JPH3: variants seen among roughly 807,000 people sequenced by gnomAD.
JPH3 encodes the protein junctophilin-3.
In JPH3, 11 loss-of-function variants were observed where a neutral mutation model predicts 59.6. That is an observed-to-expected ratio of 0.18 (90% CI 0.12 to 0.31). The LOEUF (loss-of-function observed/expected upper bound fraction) is 0.31, where lower values mean the gene tolerates loss of function less well. Ranked by LOEUF, JPH3 falls within the 10% of genes least tolerant of loss-of-function variation. JPH3 has a pLI of 1.00. For missense variants in JPH3, 1,202 were observed against 1,105.7 expected (o/e 1.09, Z -1.24); for synonymous variants, 673 against 483.6 (o/e 1.39, Z -5.14).
At chr16:87,658,627 G>A (rs2032590636) in intron 2 of JPH3, among the ~76,000 whole-genome samples, 1 of 152,170 alleles carries the variant, frequency 6.6e-6, no homozygotes, top group African/African-American at 2.4e-5. Context: ...GTCGTGGAGG[G>A]CAGGCCCCAG....
At chr16:87,626,276 T>G (rs1349364997) in intron 1 of JPH3, among the ~76,000 whole-genome samples, 2 of 152,124 alleles carry the variant, frequency 1.3e-5, no homozygotes, top group Non-Finnish European at 2.9e-5. Context: ...TGAGGTTGCT[T>G]AACTACCCCA....
chr16:87,669,350 G>A (rs1238120485), intron 2 of JPH3, among the ~76,000 whole-genome samples: 1 of 152,218 alleles, frequency 6.6e-6, no homozygotes, highest in Non-Finnish European at 1.5e-5. Flanking sequence ...GACTTGGGAG[G>A]GGTGAGAAAA....
At chr16:87,605,548 G>A (rs894912020) in intron 1 of JPH3, among the ~76,000 whole-genome samples, 2 of 152,222 alleles carry the variant, frequency 1.3e-5, no homozygotes, top group African/African-American at 4.8e-5. Context: ...ATCTGATTCT[G>A]TGGCTGGCCG....
intron 1 of JPH3, among the ~76,000 whole-genome samples, chr16:87,641,354 A>G (rs1408435520): frequency 2.0e-5 from 3 of 152,148 alleles, no homozygotes; most frequent in Non-Finnish European, 4.4e-5. Flanking sequence ...TCTGATGTTG[A>G]TGGCAGTGAG....
intron 1 of JPH3, among the ~76,000 whole-genome samples, chr16:87,632,968 A>G (rs1263610439): frequency 1.3e-5 from 2 of 152,002 alleles, no homozygotes; most frequent in African/African-American, 2.4e-5. Flanking sequence ...CTGGGGCTCA[A>G]GCAGTCCTTC....
At chr16:87,639,654 G>T (rs374324606) in intron 1 of JPH3, among the ~76,000 whole-genome samples, 6 of 149,908 alleles carry the variant, frequency 4.0e-5, no homozygotes, top group East Asian at 2.0e-4. Flanking sequence ...CTGTCCTCCC[G>T]CCTGTCCTCC....
intron 2 of JPH3, among the ~76,000 whole-genome samples, chr16:87,646,307 C>T (rs570339472): frequency 7.9e-5 from 12 of 152,306 alleles, no homozygotes; most frequent in African/African-American, 2.2e-4. Flanking sequence ...ATGTTGCTCG[C>T]GACTTCTATT....
chr16:87,617,488 C>T (rs560832607), intron 1 of JPH3, among the ~76,000 whole-genome samples: 9 of 152,144 alleles, frequency 5.9e-5, no homozygotes, highest in African/African-American at 2.2e-4. Flanking sequence ...AGTTGTATGG[C>T]TGAGTTCACG....
At chr16:87,648,194 G>C (rs2032215169) in intron 2 of JPH3, among the ~76,000 whole-genome samples, 1 of 152,184 alleles carries the variant, frequency 6.6e-6, no homozygotes, top group African/African-American at 2.4e-5. Flanking sequence ...TGCATTCTGG[G>C]CTGCAGGGCC....
At chr16:87,681,990 C>A (rs560094829) in intron 2 of JPH3, among the ~76,000 whole-genome samples, 2 of 152,058 alleles carry the variant, frequency 1.3e-5, no homozygotes, top group Admixed American at 6.5e-5. Context: ...CTGCTTGTGG[C>A]GGGGGGTCAT....
At chr16:87,658,563 C>T (rs1014237220) in intron 2 of JPH3, among the ~76,000 whole-genome samples, 1 of 152,204 alleles carries the variant, frequency 6.6e-6, no homozygotes, top group African/African-American at 2.4e-5. Context: ...CCCCAACCCC[C>T]CTGTTTCTCT....
rs1256145454 is a variant in JPH3, at chr16:87,690,074, C to T, written c.1714C>T (p.Arg572Trp). 2 of 1,563,652 alleles carry T rather than the reference C, an allele frequency of 1.3e-6. No individual in the cohort carries two copies. Among genetic ancestry groups the T allele is most frequent in the South Asian group, 2.3e-5 (2 of 85,572 alleles). ...GRKQPGNPKP[R>W]ERRTESPPVF... ...CAAGCAGCCCGGGAACCCCAAGCCG[C>T]GGGAGCGGCGGACGGAGTCACCCCC... The change falls in exon 4 of 5, where the codon CGG becomes TGG. Residue 572 changes from arginine to tryptophan, a missense_variant. Arg to Trp is a moderately radical substitution (Grantham distance 101). Transcript: ENST00000284262.
intron 1 of JPH3, chr16:87,604,838 A>C: frequency 2.6e-6 from 1 of 380,358 alleles, no homozygotes; most frequent in South Asian, 2.2e-5. Flanking sequence ...TGCCTGTCAA[A>C]GCCGTGCCCA....
chr16:87,685,283 G>A (rs1386660995), intron 3 of JPH3, among the ~76,000 whole-genome samples: 1 of 152,212 alleles, frequency 6.6e-6, no homozygotes, highest in Non-Finnish European at 1.5e-5. Context: ...AGGTCAGGAG[G>A]ACGAGCCCCC....
At position 87,690,142 on chromosome 16, in the gene JPH3, C is replaced by T. The variant is rs957652501; in HGVS notation, c.1782C>T (p.Ser594=). 6.3e-7 allele frequency: 1 copy of T among 1,595,740 alleles called. No homozygotes were observed. The highest frequency in any genetic ancestry group is 1.1e-5 in the South Asian group (1 of 88,268). Residue 594 remains serine (S), a synonymous_variant, in exon 4 of 5, where the codon AGC becomes AGT. Transcript: ENST00000284262. ...WTSHHRASNH[S]PGGSRLLELQ... Reference sequence around the variant, plus strand: ...CCCACCACCGGGCCAGCAACCACAGCCCCGGAGGCTCCAGGCTGCTGGAGC... The same window carrying T: ...CCCACCACCGGGCCAGCAACCACAGTCCCGGAGGCTCCAGGCTGCTGGAGC...
In JPH3 at chr16:87,604,165, C is replaced by G; in HGVS notation, c.382+637C>G. 1.4e-6 allele frequency: 2 copies of G among 1,379,764 alleles called. 1 individual carries two copies. Among genetic ancestry groups the G allele is most frequent in the Non-Finnish European group, 1.9e-6 (2 of 1,051,466 alleles). The allele number at this position is 1,379,764 out of a possible 1,614,324, so 85.5% of individuals were successfully genotyped here. A position where few individuals can be genotyped will look rare whatever the true frequency, so the allele number is the denominator to read the frequency against. On this transcript the variant is annotated intron_variant, in intron 1 of 4. Transcript: ENST00000284262. The stretch of plus-strand genomic sequence containing the variant: ...GAGGCCCATCTGCTCAGTGAGAGCC[C>G]AGGAATCTCGTCTTTCAGTGGCTGC...
At chr16:87,632,437 C>T (rs953733408) in intron 1 of JPH3, among the ~76,000 whole-genome samples, 1 of 152,196 alleles carries the variant, frequency 6.6e-6, no homozygotes. Context: ...GGCTTTTTAT[C>T]CTTTTTCTTG....
At chr16:87,678,487 C>T (rs955449341) in intron 2 of JPH3, among the ~76,000 whole-genome samples, 1 of 150,952 alleles carries the variant, frequency 6.6e-6, no homozygotes, top group African/African-American at 2.4e-5. Context: ...TGCAGTGAGC[C>T]GAGATCATGC....
Position 87,602,566 on chromosome 16 carries a change from C to G in JPH3, c.-581C>G, listed in dbSNP as rs892162361. 3.4e-3 allele frequency among the ~76,000 whole-genome samples: 481 copies of G among 139,926 alleles called. 13 individuals are homozygous for G. Among genetic ancestry groups the G allele is most frequent in the Non-Finnish European group, 9.0e-4 (57 of 63,626 alleles). The allele number at this position is 139,926 out of a possible 152,430, so 91.8% of individuals were successfully genotyped here. Reference sequence around the variant, plus strand: ...CGCCGCCACCGCCGCCGCCGCCGCCCGAGCCGCCGCATTGCTGCTGCTGCT... The same window carrying G: ...CGCCGCCACCGCCGCCGCCGCCGCCGGAGCCGCCGCATTGCTGCTGCTGCT... On this transcript the variant is annotated 5_prime_UTR_variant, in exon 1 of 5. Coordinates refer to ENST00000284262, the MANE Select transcript of JPH3 (RefSeq NM_020655.4).
Sources: allele counts gnomAD v4.1 joint callset (sites outside exome capture counted in the v4.1 genomes callset), GRCh38; gene constraint gnomAD v4.1.1; transcripts MANE v1.5; gene names NCBI Gene and HGNC (gene_info 2026-07-23, HGNC 2026-07-21).